The following ZNF521 variants were observed in gnomAD, a reference collection of about 807,000 sequenced individuals.
ZNF521 encodes LYST-interacting protein 3.
ZNF521 carries 14 observed loss-of-function variants against 105.5 expected under a neutral mutation model. The ratio of observed to expected loss-of-function variants is 0.13; its 90% confidence interval spans 0.09 to 0.21. ZNF521 has a LOEUF of 0.21. ZNF521 is among the 10% of genes least tolerant of loss of function. The pLI, the probability that ZNF521 is intolerant of heterozygous loss-of-function variation, is 1.00. For missense variants in ZNF521, 1,233 were observed against 1,629.7 expected (o/e 0.76, Z 4.19); for synonymous variants, 635 against 606.0 (o/e 1.05, Z -0.70).
Position 25,240,371 on chromosome 18 carries a change from AAACAACAAC to A in ZNF521, c.221-12683_221-12675del, listed in dbSNP as rs1212958001. 4.6e-5 allele frequency among the ~76,000 whole-genome samples: 7 copies of A among 152,142 alleles called. No homozygotes were observed. In the East Asian group the frequency reaches 1.2e-3, roughly 25 times the overall value. The stretch of plus-strand genomic sequence containing the variant: ...GGTAGCTTCAAACATCTATAAGGAA[AAACAACAAC>A]AACAAAAACAACAACAAAACCCAGA... On this transcript the variant is annotated intron_variant, in intron 3 of 7. Coordinates refer to ENST00000361524, the MANE Select transcript of ZNF521 (RefSeq NM_015461.3).
At chr18:25,097,915 C>T (rs1288264255) in intron 5 of ZNF521, among the ~76,000 whole-genome samples, 1 of 152,086 alleles carries the variant, frequency 6.6e-6, no homozygotes, top group Admixed American at 6.6e-5. Flanking sequence ...ATCAGCAGGG[C>T]TGGAGCAGGA....
intron 7 of ZNF521, among the ~76,000 whole-genome samples, chr18:25,066,835 G>C (rs1029223175): frequency 1.2e-4 from 19 of 152,160 alleles, no homozygotes; most frequent in African/African-American, 4.6e-4. Flanking sequence ...CAGCTCTTTA[G>C]GTCCAGAGGA....
intron 2 of ZNF521, among the ~76,000 whole-genome samples, chr18:25,326,622 T>C (rs1268514952): frequency 6.6e-6 from 1 of 152,218 alleles, no homozygotes; most frequent in Non-Finnish European, 1.5e-5. Context: ...TAAAAACTTC[T>C]GGCAGCAAGT....
intron 4 of ZNF521, among the ~76,000 whole-genome samples, chr18:25,195,756 A>C (rs2035892383): frequency 6.6e-6 from 1 of 151,748 alleles, no homozygotes; most frequent in Non-Finnish European, 1.5e-5. Context: ...CTACAATTTA[A>C]ATGATGTTTT....
intron 3 of ZNF521, among the ~76,000 whole-genome samples, chr18:25,254,833 T>A (rs1314618327): frequency 6.6e-6 from 1 of 152,082 alleles, no homozygotes; most frequent in African/African-American, 2.4e-5. Flanking sequence ...TTTCTTTTCA[T>A]ACACAGACCC....
chr18:25,178,583 A>G (rs1477905897), intron 5 of ZNF521, among the ~76,000 whole-genome samples: 1 of 152,168 alleles, frequency 6.6e-6, no homozygotes, highest in African/African-American at 2.4e-5. Context: ...ATTTCCCACC[A>G]TTGCCAAAGA....
At chr18:25,213,822 C>A (rs373146749) in intron 4 of ZNF521, among the ~76,000 whole-genome samples, 3 of 152,174 alleles carry the variant, frequency 2.0e-5, no homozygotes, top group African/African-American at 7.2e-5. Flanking sequence ...CACTATACTT[C>A]TCTTTTTTTC....
chr18:25,299,164 T>A (rs565544782), intron 3 of ZNF521, among the ~76,000 whole-genome samples: 1 of 152,364 alleles, frequency 6.6e-6, no homozygotes, highest in South Asian at 2.1e-4. Context: ...TCAGGAAAAG[T>A]CAGCTTTCCT....
intron 3 of ZNF521, among the ~76,000 whole-genome samples, chr18:25,234,956 C>A (rs115842224): frequency 0.01 from 1,558 of 152,006 alleles, 30 homozygotes; most frequent in African/African-American, 0.035. Context: ...TATTATTATT[C>A]TTGTTAAATA....
At chr18:25,150,401 A>C (rs941250386) in intron 5 of ZNF521, among the ~76,000 whole-genome samples, 1 of 152,160 alleles carries the variant, frequency 6.6e-6, no homozygotes, top group Non-Finnish European at 1.5e-5. Flanking sequence ...CACGTAACCA[A>C]ACACCACCTG....
At chr18:25,231,959 G>T (rs1454443671) in intron 3 of ZNF521, among the ~76,000 whole-genome samples, 1 of 152,184 alleles carries the variant, frequency 6.6e-6, no homozygotes, top group Admixed American at 6.5e-5. Flanking sequence ...GCAAGAAACT[G>T]GCTTAACAAT....
At chr18:25,103,187 T>TA (rs1324279385) in intron 5 of ZNF521, among the ~76,000 whole-genome samples, 1 of 152,104 alleles carries the variant, frequency 6.6e-6, no homozygotes, top group Non-Finnish European at 1.5e-5. Context: ...CTAGAGGGGC[T>TA]AGGTAAAGCA....
At chr18:25,280,740 A>G (rs905689840) in intron 3 of ZNF521, among the ~76,000 whole-genome samples, 16 of 152,238 alleles carry the variant, frequency 1.1e-4, no homozygotes, top group Non-Finnish European at 2.4e-4. Context: ...TTTTCTCTGT[A>G]AAACAATTTA....
intron 2 of ZNF521, chr18:25,327,612 C>A (rs780717238): frequency 3.7e-6 from 2 of 546,432 alleles, no homozygotes; most frequent in Non-Finnish European, 7.0e-6. Flanking sequence ...AAGTAGAAAG[C>A]CTTCCTGGTT....
In ZNF521 at chr18:25,268,782, C is replaced by A. The variant is rs1214079775; in HGVS notation, c.221-41085G>T. ...CTTACAAGAACTCCTGAAGGAAGCA[C>A]TAAACATGGAAAGAAACAACCGGTA... On this transcript the variant is annotated intron_variant, in intron 3 of 7. Coordinates refer to ENST00000361524, the MANE Select transcript of ZNF521 (RefSeq NM_015461.3). Among the ~76,000 whole-genome samples, 5 of 152,098 alleles carry A rather than the reference C, an allele frequency of 3.3e-5. 1 individual carries two copies. Among genetic ancestry groups the A allele is most frequent in the Admixed American group, 1.3e-4 (2 of 15,270 alleles).
At chr18:25,243,993 T>C (rs1470672773) in intron 3 of ZNF521, among the ~76,000 whole-genome samples, 1 of 152,068 alleles carries the variant, frequency 6.6e-6, no homozygotes, top group Admixed American at 6.5e-5. Flanking sequence ...CCGCATAAAT[T>C]CACTGGCTTC....
intron 2 of ZNF521, among the ~76,000 whole-genome samples, chr18:25,338,259 TTGTGTGTGTGTGTGTGTGTG>T (rs34813730): frequency 1.5e-5 from 2 of 136,508 alleles, no homozygotes; most frequent in African/African-American, 2.7e-5. Flanking sequence ...TCATAGACTT[TTGTGTGTGTGTGTGTGTGTG>T]TGTGTGTGTG....
chr18:25,162,750 T>C (rs1388655468), intron 5 of ZNF521, among the ~76,000 whole-genome samples: 2 of 152,160 alleles, frequency 1.3e-5, no homozygotes, highest in African/African-American at 4.8e-5. Flanking sequence ...ATAGCAGTAA[T>C]TGAAATAAAG....
intron 5 of ZNF521, among the ~76,000 whole-genome samples, chr18:25,130,913 A>G (rs2034629714): frequency 6.6e-6 from 1 of 152,110 alleles, no homozygotes; most frequent in Non-Finnish European, 1.5e-5. Context: ...ACTGCACTCC[A>G]GCCTGGGTGA....
Sources: gnomAD v4.1 joint callset for allele counts (sites outside exome capture counted in the v4.1 genomes callset) on GRCh38, gnomAD v4.1.1 for gene constraint, MANE v1.5 for transcripts, NCBI Gene and HGNC (gene_info 2026-07-23, HGNC 2026-07-21) for gene names.